PRRC2B: variants seen among roughly 807,000 people sequenced by gnomAD.
PRRC2B encodes proline rich coiled-coil 2B, also known as protein PRRC2B.
PRRC2B carries 68 observed loss-of-function variants against 242.3 expected under a neutral mutation model. That is an observed-to-expected ratio of 0.28 (90% CI 0.23 to 0.34). The LOEUF (loss-of-function observed/expected upper bound fraction) is 0.34, where lower values mean the gene tolerates loss of function less well. PRRC2B is among the 10% of genes least tolerant of loss of function. The pLI is 1.00. For synonymous variants in PRRC2B, 1,228 were observed against 1,173.6 expected, an observed-to-expected ratio of 1.05 and a Z score of -0.95; for missense variants, 2,835 against 2,954.8, an observed-to-expected ratio of 0.96 and a Z score of 0.94.
chr9:131,442,459 CA>C (rs1838626338), intron 5 of PRRC2B, among the ~76,000 whole-genome samples: 3 of 152,158 alleles, frequency 2.0e-5, no homozygotes, highest in African/African-American at 7.2e-5. Flanking sequence ...GGAGCTCCTT[CA>C]TGACACTTAG....
intron 1 of PRRC2B, among the ~76,000 whole-genome samples, chr9:131,400,810 T>G (rs374016385): frequency 2.6e-5 from 4 of 152,314 alleles, no homozygotes; most frequent in African/African-American, 9.6e-5. Context: ...TTTACTGGTT[T>G]GAACCTGGAG....
intron 11 of PRRC2B, among the ~76,000 whole-genome samples, chr9:131,463,885 G>T (rs1267635509): frequency 6.6e-6 from 1 of 150,630 alleles, no homozygotes; most frequent in African/African-American, 2.5e-5. Context: ...CCCCACGTTG[G>T]CCCCCACAAA....
chr9:131,404,419 A>G (rs556614434), intron 1 of PRRC2B, among the ~76,000 whole-genome samples: 1 of 151,890 alleles, frequency 6.6e-6, no homozygotes, highest in Non-Finnish European at 1.5e-5. Context: ...ACGAGATTTC[A>G]CTATGTTGGC....
chr9:131,471,696 G>A (rs1249185394), intron 14 of PRRC2B, among the ~76,000 whole-genome samples: 1 of 152,226 alleles, frequency 6.6e-6, no homozygotes, highest in Non-Finnish European at 1.5e-5. Context: ...AGCAGGCTGA[G>A]TTTTGTTTAA....
At chr9:131,415,957 C>A (rs892927750) in intron 1 of PRRC2B, among the ~76,000 whole-genome samples, 1 of 152,022 alleles carries the variant, frequency 6.6e-6, no homozygotes, top group Non-Finnish European at 1.5e-5. Flanking sequence ...TCCTTCCCCC[C>A]ACCCCACCCC....
intron 3 of PRRC2B, among the ~76,000 whole-genome samples, chr9:131,434,509 A>C (rs966191380): frequency 6.6e-6 from 1 of 152,272 alleles, no homozygotes; most frequent in Non-Finnish European, 1.5e-5. Flanking sequence ...AAGTGGGCCC[A>C]CAACGTGGGG....
At chr9:131,383,713 A>G (rs1199276714) in intron 1 of PRRC2B, among the ~76,000 whole-genome samples, 1 of 145,226 alleles carries the variant, frequency 6.9e-6, no homozygotes, top group Non-Finnish European at 1.5e-5. Context: ...CCTCCGCCTC[A>G]TGGGTTCAAA....
chr9:131,475,954 C>T lies in PRRC2B; in HGVS notation c.3825C>T (p.Arg1275=), dbSNP rs571739944. 2.5e-6 allele frequency: 4 copies of T among 1,613,592 alleles called. No homozygotes were observed. The highest frequency in any genetic ancestry group is 3.4e-6 in the Non-Finnish European group (4 of 1,179,612). The change falls in exon 16 of 32, where the codon CGC becomes CGT. Residue 1275 remains arginine, a synonymous_variant. Coordinates refer to ENST00000683519, the MANE Select transcript of PRRC2B (RefSeq NM_013318.4). ...GTGGCCGGGGCTTTGAGGACAGCCG[C>T]GCGGAGGACAAGAGATCCTTCTTCC... The part of the protein sequence containing the change: ...AFGGRGFEDS[R]AEDKRSFFQD...
At chr9:131,450,604 T>G (rs976072389) in intron 9 of PRRC2B, among the ~76,000 whole-genome samples, 2 of 149,498 alleles carry the variant, frequency 1.3e-5, no homozygotes, top group African/African-American at 4.9e-5. Context: ...TTTTTTTTTT[T>G]GGATATGGGG....
At chr9:131,438,447 C>T (rs1838446465) in intron 4 of PRRC2B, among the ~76,000 whole-genome samples, 1 of 152,068 alleles carries the variant, frequency 6.6e-6, no homozygotes, top group Admixed American at 6.6e-5. Flanking sequence ...GCAGAGGTGA[C>T]CTCCTAGGGT....
At position 131,498,100 on chromosome 9, in the gene PRRC2B, G is replaced by C. The variant is rs1269841260; in HGVS notation, c.*2226G>C. 2.0e-5 allele frequency: 3 copies of C among 152,098 alleles called. No individual in the cohort carries two copies. The highest frequency in any genetic ancestry group is 4.4e-5 in the Non-Finnish European group (3 of 68,026). 9.4% of individuals were successfully genotyped at this position (152,098 alleles called of 1,614,324 possible). A position where few individuals can be genotyped will look rare whatever the true frequency, so the allele number is the denominator to read the frequency against. ...AAGATGTACCCTTCAGGTGAACCTG[G>C]TATCAGACCCACAGTACTTGCTGTT... On this transcript the variant is annotated 3_prime_UTR_variant, in exon 32 of 32. Transcript: ENST00000683519.
intron 1 of PRRC2B, among the ~76,000 whole-genome samples, chr9:131,408,111 G>T (rs568168906): frequency 9.2e-5 from 14 of 152,326 alleles, no homozygotes; most frequent in African/African-American, 3.4e-4. Context: ...GGAAGAAGAG[G>T]ATGGGGTTGT....
chr9:131,436,576 G>A (rs773106207), intron 3 of PRRC2B, 44 bp from the exon 4 acceptor site: 12 of 1,511,096 alleles, frequency 7.9e-6, no homozygotes, highest in South Asian at 4.7e-5. Flanking sequence ...CCTGGCCAGC[G>A]CACTCTGTGC....
chr9:131,484,587 G>C, intron 23 of PRRC2B, 99 bp from the exon 24 acceptor site: 1 of 927,222 alleles, frequency 1.1e-6, no homozygotes, highest in Non-Finnish European at 1.6e-6. Flanking sequence ...GATACATTTG[G>C]ACGAGCCTTG....
intron 10 of PRRC2B, among the ~76,000 whole-genome samples, chr9:131,457,478 C>G (rs1943115137): frequency 6.6e-6 from 1 of 152,222 alleles, no homozygotes; most frequent in African/African-American, 2.4e-5. Flanking sequence ...CGATCTCCTC[C>G]TGAAACCTGC....
chr9:131,444,103 G>T, intron 5 of PRRC2B, 82 bp from the exon 6 acceptor site: 2 of 1,515,026 alleles, frequency 1.3e-6, no homozygotes, highest in Non-Finnish European at 9.1e-7. Flanking sequence ...CAGGCAACAC[G>T]GCTTTCAAGG....
In PRRC2B at chr9:131,475,237, A is replaced by G; in HGVS notation, c.3108A>G (p.Arg1036=). 1.9e-6 allele frequency: 3 copies of G among 1,613,588 alleles called. No homozygotes were observed. Among genetic ancestry groups the G allele is most frequent in the Non-Finnish European group, 1.7e-6 (2 of 1,179,720 alleles). The change falls in exon 16 of 32, where the codon CGA becomes CGG. Residue 1036 remains arginine, a synonymous_variant. Coordinates refer to ENST00000683519, the MANE Select transcript of PRRC2B (RefSeq NM_013318.4). ...AGGCCTGGGAAGCCAGACCCCCACGAGAGTCCAGCGATGTTCCCCCCATGA... is the reference window on the plus strand; with the variant it reads ...AGGCCTGGGAAGCCAGACCCCCACGGGAGTCCAGCGATGTTCCCCCCATGA... ...PDKAWEARPP[R]ESSDVPPMKR...
At chr9:131,447,292 C>A in intron 8 of PRRC2B, 86 bp downstream of exon 8, 2 of 1,521,828 alleles carry the variant, frequency 1.3e-6, no homozygotes, top group Non-Finnish European at 1.8e-6. Flanking sequence ...AATAGAAGTG[C>A]TGTGTCTCCT....
At chr9:131,412,147 T>C (rs1327884447) in intron 1 of PRRC2B, among the ~76,000 whole-genome samples, 1 of 152,204 alleles carries the variant, frequency 6.6e-6, no homozygotes, top group Non-Finnish European at 1.5e-5. Context: ...TTTTAGAACA[T>C]GTTTGCTCAT....
Sources: gnomAD v4.1 joint callset for allele counts (sites outside exome capture counted in the v4.1 genomes callset) on GRCh38, gnomAD v4.1.1 for gene constraint, MANE v1.5 for transcripts, NCBI Gene and HGNC (gene_info 2026-07-23, HGNC 2026-07-21) for gene names.